TTC39B: variants seen among roughly 807,000 people sequenced by gnomAD.
TTC39B encodes tetratricopeptide repeat domain 39B.
A neutral mutation model predicts 96.6 loss-of-function variants in TTC39B; 92 were observed. That is an observed-to-expected ratio of 0.95 (90% CI 0.80 to 1.13). The LOEUF is 1.13. Among genes scored for constraint, TTC39B ranks in the 50% most tolerant of loss-of-function variants. The pLI, the probability that TTC39B is intolerant of heterozygous loss-of-function variation, is 0.00. For synonymous variants in TTC39B, 367 were observed against 299.4 expected (o/e 1.23, Z -2.33); for missense variants, 955 against 809.3 (o/e 1.18, Z -2.18).
At chr9:15,196,488 G>A (rs1819178191) in intron 8 of TTC39B, among the ~76,000 whole-genome samples, 1 of 152,158 alleles carries the variant, frequency 6.6e-6, no homozygotes. Flanking sequence ...CATTCTGAGG[G>A]GTTCAAGACT....
chr9:15,185,237 G>C, intron 16 of TTC39B, 43 bp downstream of exon 16: 5 of 1,572,046 alleles, frequency 3.2e-6, no homozygotes, highest in East Asian at 2.3e-5. Context: ...CTGTGAGTAG[G>C]TAATTTATTT....
chr9:15,271,599 G>A (rs908747712), intron 1 of TTC39B, among the ~76,000 whole-genome samples: 2 of 152,160 alleles, frequency 1.3e-5, no homozygotes, highest in African/African-American at 4.8e-5. Context: ...CTAACACGGG[G>A]TGGAGCTGTG....
chr9:15,266,601 T>C (rs1302733089), intron 2 of TTC39B, among the ~76,000 whole-genome samples: 3 of 152,124 alleles, frequency 2.0e-5, no homozygotes, highest in Non-Finnish European at 2.9e-5. Context: ...GCCAAGTAAA[T>C]TGATAATACT....
chr9:15,230,468 A>G (rs1821359776), intron 2 of TTC39B, among the ~76,000 whole-genome samples: 1 of 152,192 alleles, frequency 6.6e-6, no homozygotes, highest in Admixed American at 6.5e-5. Flanking sequence ...TTTCATATCA[A>G]TGGAATCATA....
chr9:15,267,949 C>T lies in TTC39B; in HGVS notation c.241-1G>A, dbSNP rs562043004. ...TTTCCAAGGCATCTTCGAAAACGTCCTGGGGGAAATAAAAAATACAATGAG... is the reference window on the plus strand; with the variant it reads ...TTTCCAAGGCATCTTCGAAAACGTCTTGGGGGAAATAAAAAATACAATGAG... On this transcript the variant is annotated splice_acceptor_variant, in intron 1 of 19. Coordinates refer to ENST00000512701, the Ensembl canonical transcript of TTC39B. LOFTEE classifies it high-confidence loss of function. 1 of 1,609,878 alleles carries T rather than the reference C, an allele frequency of 6.2e-7. No individual in the cohort carries two copies. The highest frequency in any genetic ancestry group is 1.1e-5 in the South Asian group (1 of 90,802).
exon 20 of TTC39B, chr9:15,165,777 T>C (rs918463365): frequency 6.6e-6 from 1 of 152,228 alleles, no homozygotes; most frequent in African/African-American, 2.4e-5. Context: ...ACTGCCCCCA[T>C]GATTCAGTCA....
exon 20 of TTC39B, chr9:15,171,168 G>C (rs1817640967): frequency 6.6e-6 from 1 of 152,000 alleles, no homozygotes; most frequent in Non-Finnish European, 1.5e-5. Context: ...AGAAAACTAG[G>C]TCTTACCAAC....
intron 3 of TTC39B, among the ~76,000 whole-genome samples, chr9:15,221,883 A>C (rs1191465892): frequency 6.6e-6 from 1 of 152,176 alleles, no homozygotes; most frequent in Admixed American, 6.5e-5. Context: ...TTGCATTGTT[A>C]CATATGGTAA....
At chr9:15,293,777 C>T (rs1264166823) in intron 1 of TTC39B, among the ~76,000 whole-genome samples, 2 of 152,234 alleles carry the variant, frequency 1.3e-5, no homozygotes, top group Non-Finnish European at 2.9e-5. Context: ...TCGTGAGCTA[C>T]AAGTGGAGGT....
intron 2 of TTC39B, among the ~76,000 whole-genome samples, chr9:15,227,945 T>C (rs1454603619): frequency 6.6e-6 from 1 of 152,244 alleles, no homozygotes; most frequent in Admixed American, 6.5e-5. Flanking sequence ...AACATAGTTT[T>C]ACCTGTGTTT....
At chr9:15,295,935 C>T (rs769659701) in intron 1 of TTC39B, among the ~76,000 whole-genome samples, 1 of 152,176 alleles carries the variant, frequency 6.6e-6, no homozygotes, top group Non-Finnish European at 1.5e-5. Flanking sequence ...AGTCAGGCCT[C>T]ACTTCCCCCT....
intron 3 of TTC39B, among the ~76,000 whole-genome samples, chr9:15,223,859 T>C (rs1820979306): frequency 6.6e-6 from 1 of 151,204 alleles, no homozygotes; most frequent in South Asian, 2.1e-4. Flanking sequence ...AAAAAAATGC[T>C]CACTAGAGTA....
At chr9:15,290,003 T>G (rs543497117) in intron 1 of TTC39B, among the ~76,000 whole-genome samples, 1 of 152,338 alleles carries the variant, frequency 6.6e-6, no homozygotes, top group African/African-American at 2.4e-5. Context: ...CTCCCGGTCT[T>G]GATTTGTGAC....
intron 1 of TTC39B, among the ~76,000 whole-genome samples, chr9:15,287,894 C>T (rs1204716087): frequency 7.1e-6 from 1 of 140,982 alleles, no homozygotes; most frequent in Non-Finnish European, 1.5e-5. Context: ...TGCAGTGAGC[C>T]GATATGGCGC....
chr9:15,291,164 G>A lies in TTC39B; in HGVS notation c.240+15920C>T, dbSNP rs1037252488. ...AACACATTGTCCACATGAATAATTTGTTCCATTTGTGATATGGTTTGGCTG... is the reference window on the plus strand; with the variant it reads ...AACACATTGTCCACATGAATAATTTATTCCATTTGTGATATGGTTTGGCTG... On this transcript the variant is annotated intron_variant, in intron 1 of 19. Transcript: ENST00000512701. Among the ~76,000 whole-genome samples the A allele has an allele frequency of 8.5e-5, 13 of 152,260 alleles. No homozygotes were observed. The South Asian group carries it at 1.7e-3, about 19-fold the overall frequency.
At chr9:15,198,511 T>C (rs560383714) in intron 8 of TTC39B, among the ~76,000 whole-genome samples, 2 of 149,692 alleles carry the variant, frequency 1.3e-5, no homozygotes, top group East Asian at 3.9e-4. Flanking sequence ...ATGTGGTAAA[T>C]GAAATTACAC....
chr9:15,272,391 C>T (rs1189646961), intron 1 of TTC39B, among the ~76,000 whole-genome samples: 1 of 152,128 alleles, frequency 6.6e-6, no homozygotes, highest in Non-Finnish European at 1.5e-5. Context: ...CCAGTTACAA[C>T]ACGCACACTC....
chr9:15,289,580 C>T (rs471364), intron 1 of TTC39B, among the ~76,000 whole-genome samples: 132,368 of 152,198 alleles, frequency 0.87, 57,766 homozygotes, highest in East Asian at 0.98. Flanking sequence ...TCTGCTACCT[C>T]GCAAGCCTAC....
intron 15 of TTC39B, among the ~76,000 whole-genome samples, chr9:15,185,812 G>C (rs1818494901): frequency 6.6e-6 from 1 of 152,214 alleles, no homozygotes; most frequent in Non-Finnish European, 1.5e-5. Context: ...CTCAGGGAGA[G>C]AGAAGAGGGT....
Sources: gnomAD v4.1 joint callset for allele counts (sites outside exome capture counted in the v4.1 genomes callset) on GRCh38, gnomAD v4.1.1 for gene constraint, MANE v1.5 for transcripts, NCBI Gene and HGNC (gene_info 2026-07-23, HGNC 2026-07-21) for gene names.